CENPN: variants seen among roughly 807,000 people sequenced by gnomAD.
CENPN encodes the protein interphase centromere complex protein 32.
Under a neutral mutation model 48.6 loss-of-function variants are expected in CENPN, and 36 were observed. That is an observed-to-expected ratio of 0.74 (90% CI 0.57 to 0.98). The LOEUF (loss-of-function observed/expected upper bound fraction) is 0.98, where lower values mean the gene tolerates loss of function less well. CENPN is among the 50% of genes least tolerant of loss of function. The pLI, the probability that CENPN is intolerant of heterozygous loss-of-function variation, is 0.00. For synonymous variants in CENPN, 166 were observed against 135.2 expected (o/e 1.23, Z -1.58); for missense variants, 439 against 399.2 (o/e 1.10, Z -0.85).
rs754723316 is a variant in CENPN at position 81,020,108 on chromosome 16, C to T, written c.363C>T (p.Val121=). The stretch of plus-strand genomic sequence containing the variant: ...TTTTTTTCTTTAATAAGGTGACAGT[C>T]AGCTTCAGAGAAACTGAGGAGAATG... The part of the protein sequence containing the change: ...ILQRALKNVT[V]SFRETEENAV... Residue 121 remains valine (V), a synonymous_variant, in exon 6 of 11, where the codon GTC becomes GTT. Transcript: ENST00000305850. 2.6e-5 allele frequency: 41 copies of T among 1,599,300 alleles called. No individual in the cohort carries two copies. The highest frequency in any genetic ancestry group is 7.1e-5 in the Admixed American group (4 of 56,168).
At position 81,029,972 on chromosome 16, in the gene CENPN, T is replaced by C. The variant is rs919084314; in HGVS notation, c.*1321T>C. 2.0e-5 allele frequency among the ~76,000 whole-genome samples: 3 copies of C among 152,182 alleles called. No individual in the cohort carries two copies. The highest frequency in any genetic ancestry group is 4.4e-5 in the Non-Finnish European group (3 of 68,030). ...GGCCAGGGAGGCCTCACAATCATGGTGGAAGGCAAATGAGAAGCAAAGTCA... is the reference window on the plus strand; with the variant it reads ...GGCCAGGGAGGCCTCACAATCATGGCGGAAGGCAAATGAGAAGCAAAGTCA... On this transcript the variant is annotated 3_prime_UTR_variant, in exon 11 of 11. Coordinates refer to ENST00000305850, the MANE Select transcript of CENPN (RefSeq NM_001100624.3).
chr16:81,026,482 A>C (rs1970498274), intron 8 of CENPN, 44 bp from the exon 9 acceptor site: 1 of 934,606 alleles, frequency 1.1e-6, no homozygotes, highest in Non-Finnish European at 1.7e-6. Context: ...TAAGGATGAA[A>C]TATATTCCTA....
At chr16:81,012,213 C>A in intron 2 of CENPN, 103 bp downstream of exon 2, 2 of 1,036,536 alleles carry the variant, frequency 1.9e-6, no homozygotes, top group Non-Finnish European at 2.8e-6. Flanking sequence ...AGCTGCTAAA[C>A]TACTAGTGAA....
At chr16:81,021,254 G>A (rs1231923794) in intron 6 of CENPN, among the ~76,000 whole-genome samples, 2 of 152,084 alleles carry the variant, frequency 1.3e-5, no homozygotes, top group African/African-American at 4.8e-5. Context: ...CACATAAGAT[G>A]TAGCCTCTGT....
Position 81,020,173 on chromosome 16 carries a change from A to G in CENPN, c.428A>G (p.Lys143Arg), listed in dbSNP as rs1182056667. The change falls in exon 6 of 11, where the codon AAG (lysine) becomes AGG (arginine). Residue 143 changes from lysine to arginine, a missense_variant. By Grantham distance (26) the Lys-to-Arg change is conservative. Coordinates refer to ENST00000305850, the MANE Select transcript of CENPN (RefSeq NM_001100624.3). ...IRIAWGTQYT[K>R]PNQYKPTYVV... ...ATTGCCTGGGGAACACAGTACACAAAGCCAAACCAGTACAAACCTACCTAC... is the reference window on the plus strand; with the variant it reads ...ATTGCCTGGGGAACACAGTACACAAGGCCAAACCAGTACAAACCTACCTAC... The G allele has an allele frequency of 6.2e-7, 1 of 1,613,928 alleles. No individual in the cohort carries two copies. The highest frequency in any genetic ancestry group is 8.5e-7 in the Non-Finnish European group (1 of 1,180,000).
chr16:81,027,653 A>G (rs1970569766), intron 9 of CENPN, among the ~76,000 whole-genome samples: 1 of 152,220 alleles, frequency 6.6e-6, no homozygotes, highest in Admixed American at 6.5e-5. Context: ...GGCACTGTGC[A>G]TGCTGGCATT....
At chr16:81,017,129 A>G (rs2151685219) in intron 3 of CENPN, 197 bp from the exon 4 acceptor site, 1 of 466,530 alleles carries the variant, frequency 2.1e-6, no homozygotes, top group Middle Eastern at 5.7e-4. Context: ...AGTCAGTTGA[A>G]TTAAGTAATT....
downstream of CENPN, chr16:81,032,850 C>CT: frequency 1.3e-6 from 1 of 758,804 alleles, no homozygotes. Context: ...TGGATGTGCA[C>CT]TGACTTGACA....
chr16:81,009,632 T>A (rs548757368), intron 1 of CENPN, among the ~76,000 whole-genome samples: 23 of 152,348 alleles, frequency 1.5e-4, no homozygotes, highest in Non-Finnish European at 2.9e-4. Flanking sequence ...TATCTTTGTC[T>A]TACTATCATT....
chr16:81,028,415 G>T, intron 10 of CENPN, 118 bp downstream of exon 10: 2 of 1,477,388 alleles, frequency 1.4e-6, no homozygotes, highest in Non-Finnish European at 1.9e-6. Flanking sequence ...AGCCCATCCT[G>T]CTCTCTCTTG....
chr16:81,019,972 C>A, intron 5 of CENPN, 128 bp from the exon 6 acceptor site: 2 of 555,202 alleles, frequency 3.6e-6, no homozygotes, highest in Non-Finnish European at 2.9e-6. Context: ...GCAGAAAAGA[C>A]TGCCAGGTCT....
At chr16:81,008,521 G>C (rs1157705220) in intron 1 of CENPN, among the ~76,000 whole-genome samples, 1 of 152,104 alleles carries the variant, frequency 6.6e-6, no homozygotes, top group South Asian at 2.1e-4. Flanking sequence ...AGAGGTGTGC[G>C]TCACGACACC....
intron 1 of CENPN, among the ~76,000 whole-genome samples, chr16:81,007,717 A>C (rs182210185): frequency 7.4e-4 from 113 of 152,210 alleles, no homozygotes; most frequent in Non-Finnish European, 1.1e-3. Context: ...TGGCTACGGG[A>C]ACGTTACTTA....
chr16:81,017,137 A>G (rs923471699), intron 3 of CENPN, 189 bp from the exon 4 acceptor site: 2 of 474,020 alleles, frequency 4.2e-6, no homozygotes, highest in Middle Eastern at 5.4e-4. Flanking sequence ...GAATTAAGTA[A>G]TTATGATTTG....
At chr16:81,032,523 T>C (rs754390157), downstream of CENPN, 19 of 1,528,084 alleles carry the variant, frequency 1.2e-5, no homozygotes, top group Non-Finnish European at 1.6e-5. Flanking sequence ...TTTTCTCCTA[T>C]TAATCCGTCT....
intron 6 of CENPN, 157 bp from the exon 7 acceptor site, chr16:81,022,440 G>T: frequency 3.2e-6 from 2 of 622,610 alleles, no homozygotes; most frequent in Non-Finnish European, 2.8e-6. Flanking sequence ...CTTTGTTTTT[G>T]AAGCTCAGTA....
At chr16:81,014,206 T>C in intron 3 of CENPN, 25 bp downstream of exon 3, 1 of 1,599,762 alleles carries the variant, frequency 6.3e-7, no homozygotes, top group Non-Finnish European at 8.6e-7. Context: ...TTTGTATTTA[T>C]ACTTAACCAA....
At chr16:81,015,360 T>C (rs560448723) in intron 3 of CENPN, among the ~76,000 whole-genome samples, 1 of 152,358 alleles carries the variant, frequency 6.6e-6, no homozygotes, top group African/African-American at 2.4e-5. Flanking sequence ...GGAAGTTGGT[T>C]AACATCTCTG....
chr16:81,020,003 AG>A (rs1970108262), intron 5 of CENPN, 96 bp from the exon 6 acceptor site: 1 of 993,966 alleles, frequency 1.0e-6, no homozygotes, highest in Admixed American at 2.6e-5. Context: ...ACAAGAGTAT[AG>A]GGACATCATT....
Sources: allele counts gnomAD v4.1 joint callset (sites outside exome capture counted in the v4.1 genomes callset), GRCh38; gene constraint gnomAD v4.1.1; transcripts MANE v1.5; gene names NCBI Gene and HGNC (gene_info 2026-07-23, HGNC 2026-07-21).